The following DGCR2 variants were observed in gnomAD, a reference collection of about 807,000 sequenced individuals.
The protein encoded by DGCR2 is DiGeorge syndrome critical region gene 2.
DGCR2 carries 24 observed loss-of-function variants against 51.6 expected under a neutral mutation model. That is an observed-to-expected ratio of 0.47 (90% CI 0.34 to 0.65). DGCR2 has a LOEUF of 0.65. Ranked by LOEUF, DGCR2 falls within the 30% of genes least tolerant of loss-of-function variation. The pLI, the probability that DGCR2 is intolerant of heterozygous loss-of-function variation, is 0.01. For missense variants in DGCR2, 765 were observed against 772.1 expected (o/e 0.99, Z 0.11); for synonymous variants, 340 against 315.4 (o/e 1.08, Z -0.82).
chr22:19,052,953 C>CT (rs982797785), intron 6 of DGCR2, among the ~76,000 whole-genome samples: 24 of 152,332 alleles, frequency 1.6e-4, no homozygotes, highest in Non-Finnish European at 3.1e-4. Context: ...CCAAAGGCCT[C>CT]TGACCTACCA....
chr22:19,042,376 C>T (rs1372733790), intron 7 of DGCR2, among the ~76,000 whole-genome samples: 2 of 152,350 alleles, frequency 1.3e-5, no homozygotes, highest in East Asian at 3.9e-4. Flanking sequence ...ACACAGGCCT[C>T]CCACGTCCGT....
intron 1 of DGCR2, among the ~76,000 whole-genome samples, chr22:19,094,830 G>A (rs2083120677): frequency 1.3e-5 from 2 of 152,196 alleles, no homozygotes; most frequent in African/African-American, 4.8e-5. Flanking sequence ...ACATTCCGCA[G>A]CATGGATGAA....
intron 4 of DGCR2, among the ~76,000 whole-genome samples, chr22:19,063,825 C>T (rs1005781793): frequency 7.9e-5 from 12 of 152,220 alleles, no homozygotes; most frequent in Non-Finnish European, 1.2e-4. Flanking sequence ...TCTTGGTAGA[C>T]ATGAAACCCC....
At chr22:19,063,872 A>T (rs1033509077) in intron 4 of DGCR2, among the ~76,000 whole-genome samples, 1 of 152,212 alleles carries the variant, frequency 6.6e-6, no homozygotes, top group Non-Finnish European at 1.5e-5. Context: ...AAACCATAGG[A>T]CAGGGCACTC....
intron 1 of DGCR2, among the ~76,000 whole-genome samples, chr22:19,094,833 T>C (rs2525035): frequency 0.49 from 75,048 of 152,088 alleles, 19,647 homozygotes; most frequent in African/African-American, 0.68. Flanking sequence ...TTCCGCAGCA[T>C]GGATGAATCT....
chr22:19,066,975 G>A (rs2082756817), intron 3 of DGCR2, among the ~76,000 whole-genome samples: 2 of 152,188 alleles, frequency 1.3e-5, no homozygotes, highest in African/African-American at 2.4e-5. Context: ...GGACCCGTTC[G>A]GGCTGTGGGC....
intron 4 of DGCR2, among the ~76,000 whole-genome samples, chr22:19,063,513 A>ATT (rs35934680): frequency 0.013 from 1,746 of 132,956 alleles, 38 homozygotes; most frequent in African/African-American, 0.043. Flanking sequence ...TAATTTTTGT[A>ATT]TTTTTTTTTT....
In DGCR2 at chr22:19,068,239, G is replaced by A. The variant is rs1338628209; in HGVS notation, c.203-14C>T. The A allele has an allele frequency of 6.3e-7, 1 of 1,581,890 alleles. No homozygotes were observed. The highest frequency in any genetic ancestry group is 8.6e-7 in the Non-Finnish European group (1 of 1,163,370). ...CCCCGGTCACTTCTGAAAGCAAAAG[G>A]AGATGTGTGCTGTGAGTCCTGCCTG... On this transcript the variant is annotated splice_polypyrimidine_tract_variant and intron_variant, in intron 2 of 9. Coordinates refer to ENST00000263196, the MANE Select transcript of DGCR2 (RefSeq NM_005137.3).
intron 1 of DGCR2, among the ~76,000 whole-genome samples, chr22:19,114,151 G>GAAAA (rs148030541): frequency 8.8e-6 from 1 of 113,072 alleles, no homozygotes; most frequent in Non-Finnish European, 1.7e-5. Flanking sequence ...TGTTACCAAA[G>GAAAA]GAAAAAAAAA....
At chr22:19,051,830 C>T (rs1209910480) in intron 6 of DGCR2, among the ~76,000 whole-genome samples, 2 of 152,156 alleles carry the variant, frequency 1.3e-5, no homozygotes, top group Non-Finnish European at 2.9e-5. Flanking sequence ...GAGGTTTTAA[C>T]ATCAGTAGCC....
chr22:19,040,818 GAGGGAGGGGTCCC>G (rs1345164954), intron 9 of DGCR2, among the ~76,000 whole-genome samples: 18 of 152,220 alleles, frequency 1.2e-4, no homozygotes, highest in Non-Finnish European at 1.5e-5. Flanking sequence ...AGGGAGGTAG[GAGGGAGGGGTCCC>G]AGGCCTTCTC....
In DGCR2 at chr22:19,064,898, G is replaced by A. The variant is rs1216248811; in HGVS notation, c.498C>T (p.Ala166=). ...TCCGCTCGGGCTGGTCCCATTCCTGGGCCAGGACAAAGCGCAGCTCCTGGT... is the reference window on the plus strand; with the variant it reads ...TCCGCTCGGGCTGGTCCCATTCCTGAGCCAGGACAAAGCGCAGCTCCTGGT... The part of the protein sequence containing the change: ...STDQELRFVL[A]QEWDQPERSF... The change falls in exon 4 of 10, where the codon GCC becomes GCT. Residue 166 remains alanine, a synonymous_variant. Transcript: ENST00000263196. 1.2e-6 allele frequency: 2 copies of A among 1,613,914 alleles called. No homozygotes were observed. Among genetic ancestry groups the A allele is most frequent in the East Asian group, 4.5e-5 (2 of 44,886 alleles).
intron 4 of DGCR2, among the ~76,000 whole-genome samples, chr22:19,063,923 A>T (rs1191619007): frequency 1.3e-5 from 2 of 152,202 alleles, no homozygotes; most frequent in Non-Finnish European, 2.9e-5. Context: ...GCATCTCAAT[A>T]AAGACATAAG....
chr22:19,052,435 C>T (rs1286842129), intron 6 of DGCR2, among the ~76,000 whole-genome samples: 1 of 146,392 alleles, frequency 6.8e-6, no homozygotes, highest in African/African-American at 2.7e-5. Flanking sequence ...CACACACACA[C>T]ACACAAAAGA....
At chr22:19,071,494 T>C (rs2082814693) in intron 2 of DGCR2, among the ~76,000 whole-genome samples, 1 of 150,648 alleles carries the variant, frequency 6.6e-6, no homozygotes, top group South Asian at 2.1e-4. Flanking sequence ...AAAAAAAAAG[T>C]CTCACCTGAA....
chr22:19,041,755 T>C, intron 8 of DGCR2, 52 bp downstream of exon 8: 2 of 1,579,478 alleles, frequency 1.3e-6, no homozygotes, highest in Non-Finnish European at 1.7e-6. Context: ...AGACATGGGG[T>C]GACCTGGGGT....
Position 19,041,806 on chromosome 22 carries a change from C to T in DGCR2, c.1159+1G>A, listed in dbSNP as rs1441993714. 3 of 1,611,338 alleles carry T rather than the reference C, an allele frequency of 1.9e-6. No individual in the cohort carries two copies. The highest frequency in any genetic ancestry group is 2.5e-6 in the Non-Finnish European group (3 of 1,179,482). ...GGTTGTGGCCCTCAGAGGGCACTTA[C>T]AGTTTGCTCCAATCAGGGACTCGAT... On this transcript the variant is annotated splice_donor_variant, in intron 8 of 9. Transcript: ENST00000263196. LOFTEE classifies it high-confidence loss of function.
intron 5 of DGCR2, among the ~76,000 whole-genome samples, chr22:19,062,806 C>CTT (rs1298254299): frequency 4.1e-5 from 6 of 147,544 alleles, no homozygotes; most frequent in African/African-American, 1.5e-4. Flanking sequence ...CTCTCTCTCT[C>CTT]TATCTGCCTG....
At chr22:19,068,044 G>C in intron 3 of DGCR2, 56 bp downstream of exon 3, 1 of 1,490,506 alleles carries the variant, frequency 6.7e-7, no homozygotes, top group Non-Finnish European at 8.9e-7. Flanking sequence ...GAAAGGCAGG[G>C]GTCATGTCAG....
Sources: gnomAD v4.1 joint callset for allele counts (sites outside exome capture counted in the v4.1 genomes callset) on GRCh38, gnomAD v4.1.1 for gene constraint, MANE v1.5 for transcripts, NCBI Gene and HGNC (gene_info 2026-07-23, HGNC 2026-07-21) for gene names.